Variants in ERCC6 observed in about 807,000 individuals in gnomAD.
ERCC6 encodes ERCC excision repair 6, chromatin remodeling factor, also known as DNA excision repair protein ERCC-6.
A neutral mutation model predicts 158.7 loss-of-function variants in ERCC6; 116 were observed. The observed-to-expected ratio is 0.73, with a 90% CI of 0.63 to 0.85. The LOEUF is 0.85. Ranked by LOEUF, ERCC6 falls within the 40% of genes least tolerant of loss-of-function variation. The pLI is 0.00. For synonymous variants in ERCC6, 678 were observed against 659.3 expected (o/e 1.03, Z -0.43); for missense variants, 1,698 against 1,799.4 (o/e 0.94, Z 1.02).
At chr10:49,464,460 C>A (rs1213014839) in intron 18 of ERCC6, among the ~76,000 whole-genome samples, 1 of 152,214 alleles carries the variant, frequency 6.6e-6, no homozygotes, top group African/African-American at 2.4e-5. Context: ...CCCATTTTCT[C>A]AAGAGAAATT....
At chr10:49,516,869 A>T in intron 5 of ERCC6, 1 of 1,614,180 alleles carries the variant, frequency 6.2e-7, no homozygotes, top group Non-Finnish European at 8.5e-7. Context: ...AGTCATCTTT[A>T]GGTGCGTATG....
At chr10:49,517,062 T>C (rs1333554711) in intron 5 of ERCC6, 3 of 1,611,316 alleles carry the variant, frequency 1.9e-6, no homozygotes. Flanking sequence ...TTCTATGCTG[T>C]CATCTGTCTC....
the ERCC6 span, among the ~76,000 whole-genome samples, chr10:49,448,833 A>G: frequency 6.6e-6 from 1 of 152,214 alleles, no homozygotes; most frequent in South Asian, 2.1e-4. Flanking sequence ...TTGGGGCTGA[A>G]TAATATTCCA....
At chr10:49,438,725 G>A in the ERCC6 span, among the ~76,000 whole-genome samples, 2 of 152,310 alleles carry the variant, frequency 1.3e-5, no homozygotes, top group African/African-American at 2.4e-5. Flanking sequence ...TTCTGCCTAT[G>A]AGCCTGTAAA....
chr10:49,500,528 G>C lies in ERCC6; in HGVS notation c.1685+10C>G, dbSNP rs1851338468. On this transcript the variant is annotated intron_variant, in intron 7 of 20. Transcript: ENST00000355832. ...CTCCACAGACTGACAGTCTGCAGAG[G>C]AGCACTTGCCTGTAATTTGAACCAC... is the stretch of plus-strand genomic sequence containing the variant. 6.2e-7 allele frequency: 1 copy of C among 1,613,442 alleles called. No individual in the cohort carries two copies. The highest frequency in any genetic ancestry group is 8.5e-7 in the Non-Finnish European group (1 of 1,179,660).
chr10:49,474,283 T>C (rs2132542088), intron 12 of ERCC6, 41 bp from the exon 13 acceptor site: 1 of 1,520,600 alleles, frequency 6.6e-7, no homozygotes. Flanking sequence ...GATGACCCCA[T>C]GTAAAGTAAG....
At chr10:49,523,600 C>G (rs1399346516) in intron 5 of ERCC6, among the ~76,000 whole-genome samples, 2 of 152,176 alleles carry the variant, frequency 1.3e-5, no homozygotes, top group Admixed American at 6.5e-5. Flanking sequence ...AGTTTCAGCT[C>G]TTTTTTGAAG....
chr10:49,534,605 G>A (rs4838527), intron 1 of ERCC6, among the ~76,000 whole-genome samples: 14,182 of 152,188 alleles, frequency 0.093, 853 homozygotes, highest in East Asian at 0.2. Context: ...AGAAAGCACA[G>A]GGAAAAATAA....
At chr10:49,475,469 G>C (rs572342010) in intron 12 of ERCC6, 6 of 433,024 alleles carry the variant, frequency 1.4e-5, no homozygotes, top group South Asian at 8.5e-5. Flanking sequence ...TCATGGAGAT[G>C]AATAGATGTG....
At chr10:49,500,782 C>A (rs962019980) in intron 6 of ERCC6, 86 bp from the exon 7 acceptor site, 2 of 1,452,370 alleles carry the variant, frequency 1.4e-6, no homozygotes, top group African/African-American at 2.8e-5. Context: ...ATGAATTAAT[C>A]ATTTGGCTAG....
In ERCC6 at chr10:49,506,058, A is replaced by G. The variant is rs762492121; in HGVS notation, c.1398-46T>C. 3.7e-6 allele frequency: 6 copies of G among 1,607,782 alleles called. No individual in the cohort carries two copies. In the South Asian group the frequency reaches 4.4e-5, roughly 12 times the overall value. ...ACATTTCCATTATTTTGATCACAAG[A>G]CAGATTTAAAAAGATAGCTCCTGAT... is the stretch of plus-strand genomic sequence containing the variant. On this transcript the variant is annotated intron_variant, in intron 5 of 20. Transcript: ENST00000355832.
At chr10:49,435,106 T>A in the ERCC6 span, among the ~76,000 whole-genome samples, 1 of 152,206 alleles carries the variant, frequency 6.6e-6, no homozygotes, top group African/African-American at 2.4e-5. Flanking sequence ...TATCATGTGA[T>A]CATGGGAACA....
At chr10:49,448,517 CAA>C in the ERCC6 span, among the ~76,000 whole-genome samples, 7 of 152,182 alleles carry the variant, frequency 4.6e-5, no homozygotes, top group African/African-American at 1.7e-4. Flanking sequence ...TTAGTATACT[CAA>C]AGATACATGC....
chr10:49,506,203 TTTC>T lies in ERCC6; in HGVS notation c.1398-194_1398-192del. 4.8e-6 allele frequency: 3 copies of T among 622,530 alleles called. 1 individual carries two copies. In the South Asian group the frequency reaches 6.0e-5, roughly 12 times the overall value. The allele number at this position is 622,530 out of a possible 1,614,324, so 38.6% of individuals were successfully genotyped here. On this transcript the variant is annotated intron_variant, in intron 5 of 20. Coordinates refer to ENST00000355832, the MANE Select transcript of ERCC6 (RefSeq NM_000124.4). ...TCTCTTCTCCAGCCATCTCAATTCA[TTTC>T]TTATGTAAATTATTATAGCTGCTCT...
chr10:49,456,988 G>C lies in ERCC6; in HGVS notation c.*1827C>G, dbSNP rs974187559. Reference sequence around the variant, plus strand: ...TTTGATAGTATTTGCTACTTGAAGAGGAGGCTATACCTTGTCTAGCTCAAT... The same window carrying C: ...TTTGATAGTATTTGCTACTTGAAGACGAGGCTATACCTTGTCTAGCTCAAT... On this transcript the variant is annotated 3_prime_UTR_variant, in exon 21 of 21. Coordinates refer to ENST00000355832, the MANE Select transcript of ERCC6 (RefSeq NM_000124.4). 6.6e-6 allele frequency: 1 copy of C among 152,196 alleles called. No homozygotes were observed. Among genetic ancestry groups the C allele is most frequent in the African/African-American group, 2.4e-5 (1 of 41,448 alleles). 9.4% of individuals were successfully genotyped at this position (152,196 alleles called of 1,614,324 possible).
chr10:49,452,177 T>C (rs1453341244), downstream of ERCC6, among the ~76,000 whole-genome samples: 3 of 151,892 alleles, frequency 2.0e-5, no homozygotes, highest in Admixed American at 2.0e-4. Flanking sequence ...CTTTCTTCAG[T>C]GACTTAAGGT....
In ERCC6 at chr10:49,474,828, G is replaced by A. The variant is rs189922841; in HGVS notation, c.2383-586C>T. 2.1e-3 allele frequency among the ~76,000 whole-genome samples: 327 copies of A among 152,294 alleles called. 1 individual carries two copies. The highest frequency in any genetic ancestry group is 2.5e-3 in the Non-Finnish European group (171 of 68,028). ...ATGGTCCATGCAGAAGGGCACAGAA[G>A]ACAAGGGGTGAGTGCCCCGGCCCAT... On this transcript the variant is annotated intron_variant, in intron 12 of 20. Coordinates refer to ENST00000355832, the MANE Select transcript of ERCC6 (RefSeq NM_000124.4).
Position 49,485,452 on chromosome 10 carries a change from C to T in ERCC6, c.1822-1936G>A, listed in dbSNP as rs578160397. On this transcript the variant is annotated intron_variant, in intron 8 of 20. Transcript: ENST00000355832. The stretch of plus-strand genomic sequence containing the variant: ...AATCATTAAAGCATAACAACAAAGC[C>T]TAAATATTAAACACTTAAATATGAA... Among the ~76,000 whole-genome samples the T allele has an allele frequency of 2.2e-3, 333 of 152,194 alleles. 2 individuals carry two copies. Among genetic ancestry groups the T allele is most frequent in the African/African-American group, 7.7e-3 (319 of 41,528 alleles).
At chr10:49,475,062 C>A (rs1170686405) in intron 12 of ERCC6, among the ~76,000 whole-genome samples, 2 of 152,110 alleles carry the variant, frequency 1.3e-5, no homozygotes, top group African/African-American at 2.4e-5. Flanking sequence ...CATTGGTAAA[C>A]CTCCCCAGAG....
Sources: gnomAD v4.1 joint callset for allele counts (sites outside exome capture counted in the v4.1 genomes callset) on GRCh38, gnomAD v4.1.1 for gene constraint, MANE v1.5 for transcripts, NCBI Gene and HGNC (gene_info 2026-07-23, HGNC 2026-07-21) for gene names.